SESN3: variants seen among roughly 807,000 people sequenced by gnomAD.
The protein encoded by SESN3 is sestrin-3.
Under a neutral mutation model 55.3 loss-of-function variants are expected in SESN3, and 21 were observed. The ratio of observed to expected loss-of-function variants is 0.38; its 90% CI spans 0.27 to 0.55. SESN3 has a LOEUF of 0.55. Ranked by LOEUF, SESN3 falls within the 20% of genes least tolerant of loss-of-function variation. SESN3 has a pLI of 0.76. For synonymous variants in SESN3, 181 were observed against 203.1 expected, an observed-to-expected ratio of 0.89 and a Z score of 0.93; for missense variants, 408 against 604.3, an observed-to-expected ratio of 0.68 and a Z score of 3.41.
In SESN3 at chr11:95,165,688, G is replaced by A. The variant is rs1285395687; in HGVS notation, c.*7567C>T. On this transcript the variant is annotated 3_prime_UTR_variant, in exon 10 of 10. Transcript: ENST00000536441. ...AGATTTTCAAAATGTCATAAAAAGT[G>A]CAGTTATGAATTGTTAACATGTTAA... 3 of 152,122 alleles carry A rather than the reference G, an allele frequency of 2.0e-5. No homozygotes were observed. Among genetic ancestry groups the A allele is most frequent in the Admixed American group, 2.0e-4 (3 of 15,254 alleles). 9.4% of individuals were successfully genotyped at this position (152,122 alleles called of 1,614,324 possible).
intron 1 of SESN3, among the ~76,000 whole-genome samples, chr11:95,211,542 T>G (rs912101596): frequency 4.6e-5 from 7 of 152,034 alleles, no homozygotes; most frequent in Non-Finnish European, 1.0e-4. Context: ...CCAAGGCGAG[T>G]GGGCCACGAG....
At chr11:95,219,051 T>C (rs1252875948) in intron 1 of SESN3, among the ~76,000 whole-genome samples, 2 of 152,230 alleles carry the variant, frequency 1.3e-5, no homozygotes, top group Non-Finnish European at 2.9e-5. Flanking sequence ...TGTTCAATAA[T>C]GCACTTTGCC....
At position 95,169,909 on chromosome 11, in the gene SESN3, C is replaced by G. The variant is rs1005410436; in HGVS notation, c.*3346G>C. 6.6e-6 allele frequency: 1 copy of G among 152,154 alleles called. No individual in the cohort carries two copies. Among genetic ancestry groups the G allele is most frequent in the Admixed American group, 6.6e-5 (1 of 15,266 alleles). The allele number at this position is 152,154 out of a possible 1,614,324, so 9.4% of individuals were successfully genotyped here. On this transcript the variant is annotated 3_prime_UTR_variant, in exon 10 of 10. Coordinates refer to ENST00000536441, the MANE Select transcript of SESN3 (RefSeq NM_144665.4). ...GCTCTGGTTCAAATTTTATAGGATT[C>G]TTATATAAAACTTATATTGAGTTTT... is the stretch of plus-strand genomic sequence containing the variant.
intron 4 of SESN3, among the ~76,000 whole-genome samples, chr11:95,187,631 T>C (rs923157260): frequency 1.3e-5 from 2 of 151,940 alleles, no homozygotes; most frequent in Admixed American, 6.6e-5. Context: ...GGAAGTACTC[T>C]TGCTACCCTG....
At chr11:95,225,371 A>G (rs1458318467) in intron 1 of SESN3, among the ~76,000 whole-genome samples, 1 of 152,208 alleles carries the variant, frequency 6.6e-6, no homozygotes, top group African/African-American at 2.4e-5. Flanking sequence ...AAAAGTGACC[A>G]GCTTACTCTT....
chr11:95,186,396 C>T (rs534621480), intron 4 of SESN3, among the ~76,000 whole-genome samples: 16 of 151,782 alleles, frequency 1.1e-4, no homozygotes, highest in Admixed American at 3.9e-4. Context: ...TAACTACACA[C>T]CATATATAAT....
chr11:95,178,374 C>T (rs1389130222), intron 7 of SESN3, among the ~76,000 whole-genome samples: 7 of 152,178 alleles, frequency 4.6e-5, no homozygotes, highest in Non-Finnish European at 8.8e-5. Flanking sequence ...AAGCCCATGA[C>T]TACTGGTATA....
intron 1 of SESN3, among the ~76,000 whole-genome samples, chr11:95,207,275 G>A (rs1860568817): frequency 6.6e-6 from 1 of 151,374 alleles, no homozygotes. Context: ...GCCTAAAGGG[G>A]TTTACAAACT....
At chr11:95,212,100 T>TTTGAA (rs1860665934) in intron 1 of SESN3, among the ~76,000 whole-genome samples, 1 of 152,204 alleles carries the variant, frequency 6.6e-6, no homozygotes, top group African/African-American at 2.4e-5. Context: ...AATATATATT[T>TTTGAA]TTAAAAATCA....
chr11:95,214,813 C>T (rs756651326), intron 1 of SESN3, among the ~76,000 whole-genome samples: 4 of 152,096 alleles, frequency 2.6e-5, no homozygotes, highest in Non-Finnish European at 5.9e-5. Context: ...CCAGAGTCTA[C>T]CAATGTTAGT....
At chr11:95,209,221 C>T (rs180672978) in intron 1 of SESN3, among the ~76,000 whole-genome samples, 2 of 150,994 alleles carry the variant, frequency 1.3e-5, no homozygotes, top group African/African-American at 4.9e-5. Flanking sequence ...AACAAATGTA[C>T]AAGAAAAAAA....
rs1197010899 is a variant in SESN3 at position 95,170,148 on chromosome 11, G to A, written c.*3107C>T. 1 of 152,174 alleles carries A rather than the reference G, an allele frequency of 6.6e-6. No homozygotes were observed. The highest frequency in any genetic ancestry group is 1.5e-5 in the Non-Finnish European group (1 of 68,020). The allele number at this position is 152,174 out of a possible 1,614,324, so 9.4% of individuals were successfully genotyped here. On this transcript the variant is annotated 3_prime_UTR_variant, in exon 10 of 10. Coordinates refer to ENST00000536441, the MANE Select transcript of SESN3 (RefSeq NM_144665.4). ...CTCAAAAGCCTCTTTTCCCCTAATA[G>A]TCATATATCCACCTGAGGAAGCCTC...
At chr11:95,194,548 T>G (rs1413895557) in intron 1 of SESN3, among the ~76,000 whole-genome samples, 1 of 152,096 alleles carries the variant, frequency 6.6e-6, no homozygotes, top group African/African-American at 2.4e-5. Context: ...GGGAGTTCTA[T>G]TGAAATAAAT....
At chr11:95,192,982 T>C (rs949116275) in intron 2 of SESN3, among the ~76,000 whole-genome samples, 3 of 152,096 alleles carry the variant, frequency 2.0e-5, no homozygotes, top group African/African-American at 4.8e-5. Flanking sequence ...CTCAAATATA[T>C]ACTGTGAAAA....
At chr11:95,192,707 T>C (rs1411548178) in intron 2 of SESN3, among the ~76,000 whole-genome samples, 1 of 152,136 alleles carries the variant, frequency 6.6e-6, no homozygotes, top group African/African-American at 2.4e-5. Flanking sequence ...TTGAAAAGTA[T>C]AAATTGTGAG....
chr11:95,176,104 G>A (rs943864256), intron 8 of SESN3, among the ~76,000 whole-genome samples: 3 of 152,148 alleles, frequency 2.0e-5, no homozygotes, highest in Non-Finnish European at 2.9e-5. Context: ...GGAAGAGCAA[G>A]TAATCACTGA....
At chr11:95,187,458 G>A (rs1394365432) in intron 4 of SESN3, among the ~76,000 whole-genome samples, 1 of 151,844 alleles carries the variant, frequency 6.6e-6, no homozygotes, top group Non-Finnish European at 1.5e-5. Context: ...GCAAACTCCA[G>A]AAGCTACATT....
At chr11:95,200,929 A>C (rs1860450974) in intron 1 of SESN3, 1 of 152,032 alleles carries the variant, frequency 6.6e-6, no homozygotes, top group Non-Finnish European at 1.5e-5. Context: ...TCTCTACTGA[A>C]TCATCAGTTC....
Position 95,230,992 on chromosome 11 carries a change from G to A in SESN3, c.-132C>T, listed in dbSNP as rs951341822. ...CTCAGCCTCCTCAAGGCGGGATGTC[G>A]GGAGGAGAGGCGACTGCCTGAAAGC... On this transcript the variant is annotated 5_prime_UTR_variant, in exon 1 of 10. Coordinates refer to ENST00000536441, the MANE Select transcript of SESN3 (RefSeq NM_144665.4). This position sits in a 1 kb window ranked among gnomAD's most constrained non-coding sequence, Gnocchi z 4.6. 5.8e-6 allele frequency: 3 copies of A among 515,724 alleles called. No individual in the cohort carries two copies. The highest frequency in any genetic ancestry group is 5.0e-4 in the Middle Eastern group (1 of 1,992). The allele number at this position is 515,724 out of a possible 1,614,324, so 31.9% of individuals were successfully genotyped here. A position where few individuals can be genotyped will look rare whatever the true frequency, so the allele number is the denominator to read the frequency against.
Sources: gnomAD v4.1 joint callset for allele counts (sites outside exome capture counted in the v4.1 genomes callset) on GRCh38, gnomAD v4.1.1 for gene constraint, Gnocchi (gnomAD v3.1) non-coding constraint, MANE v1.5 for transcripts, NCBI Gene and HGNC (gene_info 2026-07-23, HGNC 2026-07-21) for gene names.